Variants in ABCB7 observed in about 807,000 individuals in gnomAD.
ABCB7 encodes the protein iron-sulfur clusters transporter ABCB7, mitochondrial.
Under a neutral mutation model 54.4 loss-of-function variants are expected in ABCB7, and 7 were observed. The ratio of observed to expected loss-of-function variants is 0.13; its 90% CI spans 0.07 to 0.24. The LOEUF is 0.24. ABCB7 is among the 10% of genes least tolerant of loss of function. The pLI, the probability that ABCB7 is intolerant of heterozygous loss-of-function variation, is 1.00. For synonymous variants in ABCB7, 218 were observed against 207.1 expected, an observed-to-expected ratio of 1.05 and a Z score of -0.45; for missense variants, 356 against 570.4, an observed-to-expected ratio of 0.62 and a Z score of 3.83.
intron 3 of ABCB7, among the ~76,000 whole-genome samples, chrX:75,103,344 A>G (rs1018363469): frequency 6.3e-5 from 7 of 111,272 alleles, no homozygotes; most frequent in Non-Finnish European, 1.3e-4. Flanking sequence ...ACGGACTCCA[A>G]TTTTGCCAGC....
chrX:75,106,330 T>C (rs1272961231), intron 3 of ABCB7, among the ~76,000 whole-genome samples: 1 of 111,728 alleles, frequency 9.0e-6, no homozygotes, highest in South Asian at 3.7e-4. Flanking sequence ...AAAGAAGACA[T>C]ATAAGCAGCC....
intron 10 of ABCB7, 47 bp from the exon 11 acceptor site, chrX:75,069,501 T>C (rs570973939): frequency 2.6e-6 from 3 of 1,138,848 alleles, no homozygotes; most frequent in Admixed American, 4.5e-5. Flanking sequence ...CTGCCTAGAG[T>C]ACAGCTACGA....
At position 75,120,036 on chromosome X, in the gene ABCB7, T is replaced by A. The variant is rs1003767785; in HGVS notation, c.169-5205A>T. On this transcript the variant is annotated intron_variant, in intron 1 of 15. Transcript: ENST00000373394. ...CATGGAAAGCTAAAATGTTTATGAA[T>A]ATCAAACAGAATAGGAGTGAATTGA... is the stretch of plus-strand genomic sequence containing the variant. 2.7e-5 allele frequency among the ~76,000 whole-genome samples: 3 copies of A among 112,024 alleles called. No individual in the cohort carries two copies. In the East Asian group the frequency reaches 8.4e-4, roughly 31 times the overall value.
At chrX:75,101,608 C>T (rs760243059) in intron 3 of ABCB7, among the ~76,000 whole-genome samples, 1 of 111,325 alleles carries the variant, frequency 9.0e-6, no homozygotes, top group South Asian at 3.8e-4. Flanking sequence ...AATTCCCTTT[C>T]CCAATAGAAC....
At position 75,076,264 on chromosome X, in the gene ABCB7, G is replaced by C. The variant is rs57443183; in HGVS notation, c.586+258C>G. The stretch of plus-strand genomic sequence containing the variant: ...GTTACAAAAAGCCTAACTATTAGAA[G>C]TGGTTGTTATGAATTTAATGTCTTA... On this transcript the variant is annotated intron_variant, in intron 5 of 15. Transcript: ENST00000373394. 0.029 allele frequency among the ~76,000 whole-genome samples: 3,233 copies of C among 112,336 alleles called. 116 individuals carry two copies. The highest frequency in any genetic ancestry group is 0.1 in the African/African-American group (3,094 of 30,916).
chrX:75,109,672 C>A (rs916564886), intron 3 of ABCB7, among the ~76,000 whole-genome samples: 2 of 110,818 alleles, frequency 1.8e-5, no homozygotes, highest in Non-Finnish European at 3.8e-5. Context: ...TAGTGAGGAA[C>A]TAAAAAACAT....
At chrX:75,126,603 A>C (rs774958829) in intron 1 of ABCB7, among the ~76,000 whole-genome samples, 14 of 111,321 alleles carry the variant, frequency 1.3e-4, no homozygotes, top group Non-Finnish European at 2.6e-4. Context: ...TCAAAAAAAA[A>C]ATCAATGAAT....
intron 4 of ABCB7, among the ~76,000 whole-genome samples, chrX:75,079,955 T>A (rs1042564906): frequency 8.9e-6 from 1 of 112,287 alleles, no homozygotes; most frequent in African/African-American, 3.2e-5. Flanking sequence ...GAGAATATTC[T>A]AGAAATGGAA....
intron 1 of ABCB7, among the ~76,000 whole-genome samples, chrX:75,149,183 A>T (rs914308117): frequency 1.2e-4 from 13 of 111,865 alleles, no homozygotes; most frequent in African/African-American, 4.2e-4. Flanking sequence ...GATATTGTAA[A>T]GAAAACTTAA....
intron 4 of ABCB7, among the ~76,000 whole-genome samples, chrX:75,094,050 A>ATATATCTATC (rs1314153062): frequency 3.9e-4 from 8 of 20,489 alleles, no homozygotes; most frequent in Admixed American, 2.1e-3. Flanking sequence ...ATATATATAT[A>ATATATCTATC]TATCTATCTT....
At chrX:75,070,274 T>C in intron 10 of ABCB7, 91 bp downstream of exon 10, 1 of 953,130 alleles carries the variant, frequency 1.0e-6, no homozygotes, top group Non-Finnish European at 1.5e-6. Context: ...ATTGGTTTGC[T>C]AATGTGGTGA....
chrX:75,115,854 C>A (rs1341422923), intron 1 of ABCB7, among the ~76,000 whole-genome samples: 2 of 108,542 alleles, frequency 1.8e-5, no homozygotes, highest in South Asian at 4.1e-4. Context: ...AGTTCAGAAA[C>A]AACTGACCAG....
intron 10 of ABCB7, among the ~76,000 whole-genome samples, chrX:75,070,096 A>C (rs980672878): frequency 2.7e-5 from 3 of 110,061 alleles, no homozygotes; most frequent in African/African-American, 9.9e-5. Flanking sequence ...CTGGTCTCGA[A>C]CTCTTGATCT....
At chrX:75,059,902 G>A (rs1159161029) in intron 15 of ABCB7, among the ~76,000 whole-genome samples, 2 of 111,856 alleles carry the variant, frequency 1.8e-5, no homozygotes, top group Non-Finnish European at 3.8e-5. Context: ...AAGACACCAA[G>A]CAAAGAGTCT....
chrX:75,127,058 T>C (rs1046064994), intron 1 of ABCB7, among the ~76,000 whole-genome samples: 4 of 111,751 alleles, frequency 3.6e-5, no homozygotes, highest in Non-Finnish European at 7.5e-5. Flanking sequence ...ACTCATCTTA[T>C]GTGGTTGGCA....
intron 1 of ABCB7, among the ~76,000 whole-genome samples, chrX:75,140,595 T>C (rs1454968535): frequency 1.8e-5 from 2 of 110,866 alleles, no homozygotes; most frequent in African/African-American, 6.7e-5. Flanking sequence ...TTAAATATGA[T>C]AAAATTAAAC....
Position 75,051,449 on chromosome X carries a change from A to G in ABCB7, c.*1921T>C, listed in dbSNP as rs2081195642. ...CTTTTCTGAGAAATAAAACCTTATT[A>G]CATAGTTATGTGGCCATTCATGAGG... On this transcript the variant is annotated 3_prime_UTR_variant, in exon 16 of 16. Coordinates refer to ENST00000373394, the MANE Select transcript of ABCB7 (RefSeq NM_001271696.3). The G allele has an allele frequency of 1.8e-5, 2 of 112,283 alleles. No homozygotes were observed. Among genetic ancestry groups the G allele is most frequent in the Non-Finnish European group, 3.8e-5 (2 of 53,249 alleles). The allele number at this position is 112,283 out of a possible 1,213,427, so 9.3% of individuals were successfully genotyped here.
intron 13 of ABCB7, among the ~76,000 whole-genome samples, chrX:75,063,428 A>C (rs1602333304): frequency 1.8e-5 from 2 of 111,258 alleles, no homozygotes; most frequent in South Asian, 7.6e-4. Flanking sequence ...CTGGTACATT[A>C]AATATTTTTA....
At chrX:75,152,987 T>C (rs2082143923) in intron 1 of ABCB7, among the ~76,000 whole-genome samples, 1 of 111,728 alleles carries the variant, frequency 9.0e-6, no homozygotes, top group African/African-American at 3.3e-5. Context: ...TGTCACTGAA[T>C]CACCTCTCAC....
Sources: allele counts gnomAD v4.1 joint callset (sites outside exome capture counted in the v4.1 genomes callset), GRCh38; gene constraint gnomAD v4.1.1; transcripts MANE v1.5; gene names NCBI Gene and HGNC (gene_info 2026-07-23, HGNC 2026-07-21).